GCM2: variants seen among roughly 807,000 people sequenced by gnomAD.
GCM2 encodes GCM transcription factor 2, also known as chorion-specific transcription factor GCMb.
In GCM2, 21 loss-of-function variants were observed where a neutral mutation model predicts 24.8. The ratio of observed to expected loss-of-function variants is 0.85; its 90% CI spans 0.60 to 1.22. The LOEUF (loss-of-function observed/expected upper bound fraction) is 1.22, where lower values mean the gene tolerates loss of function less well. GCM2 is among the 50% of genes most tolerant of loss of function. GCM2 has a pLI of 0.00. For synonymous variants in GCM2, 222 were observed against 238.0 expected (o/e 0.93, Z 0.62); for missense variants, 532 against 645.6 (o/e 0.82, Z 1.91).
chr6:10,879,025 G>C (rs528790124), intron 1 of GCM2, among the ~76,000 whole-genome samples: 3 of 152,122 alleles, frequency 2.0e-5, no homozygotes, highest in Non-Finnish European at 4.4e-5. Context: ...CATTAATACT[G>C]CACATTCTAA....
In GCM2 at chr6:10,881,818, G is replaced by T; in HGVS notation, c.-25C>A. ...TCTGCCCAACTCGCTCGCGCTTTCC[G>T]CCCAGGGTTCTGAAAAATAGAAGAA... is the stretch of plus-strand genomic sequence containing the variant. On this transcript the variant is annotated 5_prime_UTR_variant, in exon 1 of 5. Coordinates refer to ENST00000379491, the MANE Select transcript of GCM2 (RefSeq NM_004752.4). 1.9e-6 allele frequency: 3 copies of T among 1,592,302 alleles called. No homozygotes were observed. The highest frequency in any genetic ancestry group is 1.1e-5 in the South Asian group (1 of 90,844).
Position 10,878,570 on chromosome 6 carries a change from G to A in GCM2, c.91-1178C>T, listed in dbSNP as rs564288232. On this transcript the variant is annotated intron_variant, in intron 1 of 4. Transcript: ENST00000379491. ...CCTGACCTCATGATCCACCCACCTT[G>A]GCCTCCCAAAGTGCTGGGATTACAG... Among the ~76,000 whole-genome samples, 5 of 152,218 alleles carry A rather than the reference G, an allele frequency of 3.3e-5. No individual in the cohort carries two copies. In the East Asian group the frequency reaches 5.8e-4, roughly 18 times the overall value.
Position 10,876,462 on chromosome 6 carries a change from T to C in GCM2, c.439A>G (p.Asn147Asp), listed in dbSNP as rs776335364. The C allele has an allele frequency of 3.7e-6, 6 of 1,611,172 alleles. No individual in the cohort carries two copies. In the South Asian group the frequency reaches 6.6e-5, roughly 18 times the overall value. The change falls in exon 3 of 5, where the codon AAC (asparagine) becomes GAC (aspartate). Residue 147 changes from asparagine (N) to aspartate (D), a missense_variant. Coordinates refer to ENST00000379491, the MANE Select transcript of GCM2 (RefSeq NM_004752.4). ...PVTNFWRLDGNAIFFQAKGVH... is the reference protein window; with the variant it reads ...PVTNFWRLDGDAIFFQAKGVH... ...TGACCTACCTGAAAAAAGATCGCGT[T>C]GCCATCAAGCCGCCAAAAGTTGGTT... is the stretch of plus-strand genomic sequence containing the variant.
At position 10,881,823 on chromosome 6, in the gene GCM2, G is replaced by A. The variant is rs1185154978; in HGVS notation, c.-30C>T. 2 of 1,587,874 alleles carry A rather than the reference G, an allele frequency of 1.3e-6. No individual in the cohort carries two copies. Among genetic ancestry groups the A allele is most frequent in the African/African-American group, 1.3e-5 (1 of 74,734 alleles). On this transcript the variant is annotated 5_prime_UTR_variant, in exon 1 of 5. Coordinates refer to ENST00000379491, the MANE Select transcript of GCM2 (RefSeq NM_004752.4). The stretch of plus-strand genomic sequence containing the variant: ...CCAACTCGCTCGCGCTTTCCGCCCA[G>A]GGTTCTGAAAAATAGAAGAAAAAAG...
Position 10,874,328 on chromosome 6 carries a change from G to C in GCM2, c.1188C>G (p.Pro396=). The part of the protein sequence containing the change: ...TTKVSYQAYQ[P]PAMKYSDSVR... ...CACTGTCACTGTATTTCATAGCAGG[G>C]GGCTGGTAGGCCTGGTAGGACACTT... The change falls in exon 5 of 5, where the codon CCC becomes CCG. Residue 396 remains proline, a synonymous_variant. Transcript: ENST00000379491. The C allele has an allele frequency of 6.2e-7, 1 of 1,614,236 alleles. No individual in the cohort carries two copies. Among genetic ancestry groups the C allele is most frequent in the Non-Finnish European group, 8.5e-7 (1 of 1,180,044 alleles).
At chr6:10,879,478 G>C (rs1472214925) in intron 1 of GCM2, among the ~76,000 whole-genome samples, 1 of 152,138 alleles carries the variant, frequency 6.6e-6, no homozygotes, top group East Asian at 1.9e-4. Flanking sequence ...GTGTGTGTGT[G>C]TACATACACA....
At position 10,874,674 on chromosome 6, in the gene GCM2, C is replaced by G. The variant is rs1303479523; in HGVS notation, c.842G>C (p.Gly281Ala). ...GGGATATGGGCTTGAATTTGTATAA[C>G]CAGGGTTTGCCAATTCATAGCTGCA... ...PPCSYELANPGYTNSSPYPTL... is the reference protein window; with the variant it reads ...PPCSYELANPAYTNSSPYPTL... Residue 281 changes from glycine to alanine, a missense_variant, in exon 5 of 5, where the codon GGT becomes GCT. Gly to Ala is a moderately conservative substitution (Grantham distance 60, BLOSUM62 0). This residue lies in a region of GCM2 where 434 missense variants were observed against 521.9 expected (regional missense o/e 0.83). Transcript: ENST00000379491. The G allele has an allele frequency of 5.6e-6, 9 of 1,613,920 alleles. No individual in the cohort carries two copies. The highest frequency in any genetic ancestry group is 7.6e-6 in the Non-Finnish European group (9 of 1,180,010).
At chr6:10,875,006 A>C (rs1218031538) in intron 4 of GCM2, 73 bp from the exon 5 acceptor site, 1 of 1,022,996 alleles carries the variant, frequency 9.8e-7, no homozygotes, top group African/African-American at 1.6e-5. Context: ...ACAATAGCCT[A>C]GAAGTAAGTA....
intron 1 of GCM2, 21 bp from the exon 2 acceptor site, chr6:10,877,413 G>A (rs752444068): frequency 1.9e-6 from 3 of 1,613,910 alleles, no homozygotes; most frequent in Admixed American, 1.7e-5. Context: ...GCAGAAGGAA[G>A]GGTGGTCAGT....
rs191527371 is a variant in GCM2 at position 10,873,792 on chromosome 6, G to A, written c.*203C>T. On this transcript the variant is annotated 3_prime_UTR_variant, in exon 5 of 5. Transcript: ENST00000379491. Reference sequence around the variant, plus strand: ...TCACTACTTCTATGTATTGTAGCCAGTTTCAAAATGCTGTGTGAAATTTCC... The same window carrying A: ...TCACTACTTCTATGTATTGTAGCCAATTTCAAAATGCTGTGTGAAATTTCC... 2.4e-4 allele frequency: 154 copies of A among 630,110 alleles called. No individual in the cohort carries two copies. The Admixed American group carries it at 3.5e-3, about 14-fold the overall frequency. The allele number at this position is 630,110 out of a possible 1,614,324, so 39.0% of individuals were successfully genotyped here.
chr6:10,874,868 G>C lies in GCM2; in HGVS notation c.648C>G (p.Asp216Glu), dbSNP rs1779854932. The change falls in exon 5 of 5, where the codon GAC (aspartate) becomes GAG (glutamate). Residue 216 changes from aspartate to glutamate, a missense_variant. Asp to Glu is a conservative substitution (Grantham distance 45). This residue lies in a region of GCM2 where 434 missense variants were observed against 521.9 expected (regional missense o/e 0.83). Transcript: ENST00000379491. ...SNIPPLENPE[D>E]FDIVTETSFP... is the part of the protein sequence containing the mutation. ...AGCTGGTTTCAGTAACTATATCAAA[G>C]TCTTCTGGATTTTCCAAGGGAGGTA... 1 of 1,614,058 alleles carries C rather than the reference G, an allele frequency of 6.2e-7. No individual in the cohort carries two copies. Among genetic ancestry groups the C allele is most frequent in the Non-Finnish European group, 8.5e-7 (1 of 1,179,916 alleles).
At chr6:10,875,792 C>G in intron 4 of GCM2, 99 bp downstream of exon 4, 1 of 1,186,864 alleles carries the variant, frequency 8.4e-7, no homozygotes, top group Non-Finnish European at 1.3e-6. Context: ...AAATCAAACC[C>G]TTGTAATTAA....
chr6:10,879,184 T>C (rs1779923436), intron 1 of GCM2, among the ~76,000 whole-genome samples: 1 of 152,232 alleles, frequency 6.6e-6, no homozygotes, highest in Non-Finnish European at 1.5e-5. Context: ...AAATGAAATA[T>C]ATAATGATGT....
At chr6:10,877,489 G>T in intron 1 of GCM2, 97 bp from the exon 2 acceptor site, 1 of 1,322,932 alleles carries the variant, frequency 7.6e-7, no homozygotes, top group Non-Finnish European at 1.1e-6. Context: ...ATACAAACCA[G>T]TTCTTTTTAA....
chr6:10,877,110 G>C, intron 2 of GCM2, 30 bp downstream of exon 2: 1 of 1,606,634 alleles, frequency 6.2e-7, no homozygotes, highest in Non-Finnish European at 8.5e-7. Context: ...TGACTCCAAG[G>C]TCACCCTCTC....
At chr6:10,881,593 TG>T (rs1561673760) in intron 1 of GCM2, 110 bp downstream of exon 1, 117 of 551,310 alleles carry the variant, frequency 2.1e-4, no homozygotes, top group African/African-American at 1.9e-3. Flanking sequence ...TGTGTGTGTG[TG>T]TGTGTGTGTG....
chr6:10,874,985 C>G (rs1030267805), intron 4 of GCM2, 52 bp from the exon 5 acceptor site: 1 of 1,248,152 alleles, frequency 8.0e-7, no homozygotes, highest in Non-Finnish European at 1.2e-6. Flanking sequence ...GTGTGGACAC[C>G]CTCACCTGTA....
At position 10,874,764 on chromosome 6, in the gene GCM2, T is replaced by C; in HGVS notation, c.752A>G (p.Gln251Arg). Residue 251 changes from glutamine (Q) to arginine (R), a missense_variant, in exon 5 of 5, where the codon CAA (glutamine) becomes CGA (arginine). Gln to Arg is a conservative substitution (Grantham distance 43). Around this residue, in one of 3 missense-constraint regions of GCM2, gnomAD observed 434 missense variants for 521.9 expected, o/e 0.83. Coordinates refer to ENST00000379491, the MANE Select transcript of GCM2 (RefSeq NM_004752.4). ...YKATCDLATF[Q>R]GDKMPPFQKY... ...CTGGAAGGGTGGCATTTTGTCTCCT[T>C]GAAAGGTGGCTAGGTCACAGGTAGC... 6.2e-7 allele frequency: 1 copy of C among 1,614,058 alleles called. No individual in the cohort carries two copies. The highest frequency in any genetic ancestry group is 8.5e-7 in the Non-Finnish European group (1 of 1,179,970).
At position 10,873,984 on chromosome 6, in the gene GCM2, T is replaced by C. The variant is rs1190944726; in HGVS notation, c.*11A>G. 4 of 1,603,676 alleles carry C rather than the reference T, an allele frequency of 2.5e-6. No individual in the cohort carries two copies. Among genetic ancestry groups the C allele is most frequent in the Non-Finnish European group, 2.6e-6 (3 of 1,170,602 alleles). ...GCATGCACACTGCTATTATGTCCCCTGGATTGTCTTTCAAAAATCCTCATT... is the reference window on the plus strand; with the variant it reads ...GCATGCACACTGCTATTATGTCCCCCGGATTGTCTTTCAAAAATCCTCATT... On this transcript the variant is annotated 3_prime_UTR_variant, in exon 5 of 5. Transcript: ENST00000379491.
Sources: allele counts gnomAD v4.1 joint callset (sites outside exome capture counted in the v4.1 genomes callset), GRCh38; gene constraint gnomAD v4.1.1; regional missense constraint gnomAD v4.1.1; transcripts MANE v1.5; gene names NCBI Gene and HGNC (gene_info 2026-07-23, HGNC 2026-07-21).